ROBO2: variants seen among roughly 807,000 people sequenced by gnomAD.
ROBO2 encodes the protein roundabout homolog 2.
In ROBO2, 53 loss-of-function variants were observed where a neutral mutation model predicts 160.8. The observed-to-expected ratio is 0.33, with a 90% confidence interval of 0.26 to 0.41. The LOEUF (loss-of-function observed/expected upper bound fraction) is 0.41. ROBO2 is among the 10% of genes least tolerant of loss of function. The pLI, the probability that ROBO2 is intolerant of heterozygous loss-of-function variation, is 1.00. For synonymous variants in ROBO2, 664 were observed against 611.7 expected (o/e 1.09, Z -1.26); for missense variants, 1,577 against 1,722.4 (o/e 0.92, Z 1.49).
intron 2 of ROBO2, among the ~76,000 whole-genome samples, chr3:76,779,751 GTGT>G (rs1189520144): frequency 6.6e-6 from 1 of 150,872 alleles, no homozygotes; most frequent in Admixed American, 6.6e-5. Flanking sequence ...AGGATGAGTA[GTGT>G]TCTATTTTTA....
chr3:77,132,842 G>A (rs555290980), intron 2 of ROBO2, among the ~76,000 whole-genome samples: 7 of 152,212 alleles, frequency 4.6e-5, no homozygotes, highest in African/African-American at 1.7e-4. Context: ...ATATTTTTGA[G>A]TTTAATTCAA....
chr3:77,644,759 C>T, exon 25 of ROBO2: 1 of 1,613,972 alleles, frequency 6.2e-7, no homozygotes, highest in Admixed American at 1.7e-5. Flanking sequence ...GTGGCCACAG[C>T]TCATCAGGAA....
chr3:77,299,812 G>A (rs1348959244), intron 2 of ROBO2, among the ~76,000 whole-genome samples: 1 of 152,108 alleles, frequency 6.6e-6, no homozygotes, highest in African/African-American at 2.4e-5. Flanking sequence ...TTACAACAGA[G>A]AGGGACGATA....
chr3:77,228,433 A>C (rs1026159374), intron 2 of ROBO2, among the ~76,000 whole-genome samples: 3 of 151,614 alleles, frequency 2.0e-5, no homozygotes, highest in African/African-American at 7.3e-5. Context: ...ACACACACAC[A>C]CACCCTTTTT....
At chr3:76,012,064 A>C (rs1466110403) in intron 2 of ROBO2, among the ~76,000 whole-genome samples, 2 of 152,234 alleles carry the variant, frequency 1.3e-5, no homozygotes, top group Non-Finnish European at 2.9e-5. Context: ...AACTCTTGCC[A>C]AACAAGAAAT....
chr3:76,429,636 T>C (rs2076357190), intron 2 of ROBO2, among the ~76,000 whole-genome samples: 1 of 152,186 alleles, frequency 6.6e-6, no homozygotes, highest in African/African-American at 2.4e-5. Context: ...TCATAGCTTC[T>C]CTTGGTCCAA....
chr3:76,909,369 C>T (rs183015332), intron 2 of ROBO2, among the ~76,000 whole-genome samples: 26 of 152,026 alleles, frequency 1.7e-4, no homozygotes, highest in South Asian at 1.7e-3. Flanking sequence ...TATGCTAGGA[C>T]GAGAGAAAAA....
intron 2 of ROBO2, among the ~76,000 whole-genome samples, chr3:76,244,998 G>C (rs1008281801): frequency 1.3e-5 from 2 of 152,020 alleles, no homozygotes; most frequent in African/African-American, 4.8e-5. Flanking sequence ...TTTGAAATTG[G>C]CTTACAAATT....
At chr3:76,952,798 G>C (rs1173780644) in intron 2 of ROBO2, among the ~76,000 whole-genome samples, 1 of 151,942 alleles carries the variant, frequency 6.6e-6, no homozygotes, top group Non-Finnish European at 1.5e-5. Flanking sequence ...TGTTCAGCAG[G>C]GAGAATTTTA....
intron 2 of ROBO2, among the ~76,000 whole-genome samples, chr3:76,999,361 A>G (rs2061213936): frequency 6.6e-6 from 1 of 152,098 alleles, no homozygotes; most frequent in African/African-American, 2.4e-5. Flanking sequence ...TAGATAGGTA[A>G]CTGGGGTTAC....
exon 9 of ROBO2, chr3:77,558,041 T>C (rs770869124): frequency 3.7e-6 from 6 of 1,613,084 alleles, no homozygotes; most frequent in African/African-American, 2.7e-5. Context: ...AAGCCACTGG[T>C]GATCCTCTTC....
At chr3:76,976,429 T>G (rs2059819698) in intron 2 of ROBO2, among the ~76,000 whole-genome samples, 1 of 152,194 alleles carries the variant, frequency 6.6e-6, no homozygotes, top group East Asian at 1.9e-4. Flanking sequence ...AAATGGGAAG[T>G]TTTTTACAAA....
At chr3:77,029,991 G>C (rs1031812848) in intron 2 of ROBO2, among the ~76,000 whole-genome samples, 23 of 151,688 alleles carry the variant, frequency 1.5e-4, no homozygotes, top group African/African-American at 4.6e-4. Flanking sequence ...TGTCGCCCAG[G>C]CTGGAGTGCA....
intron 2 of ROBO2, among the ~76,000 whole-genome samples, chr3:75,978,355 ATTATT>A (rs1488608934): frequency 1.3e-5 from 2 of 151,528 alleles, no homozygotes; most frequent in Non-Finnish European, 3.0e-5. Flanking sequence ...AGGTTTAGCT[ATTATT>A]TTACTAATAT....
chr3:75,963,247 G>C (rs1334732075), intron 2 of ROBO2, among the ~76,000 whole-genome samples: 1 of 151,722 alleles, frequency 6.6e-6, no homozygotes, highest in Non-Finnish European at 1.5e-5. Flanking sequence ...GAGTGCAGTG[G>C]TGCAATTATG....
Position 76,385,447 on chromosome 3 carries a change from C to T in ROBO2, c.109+447845C>T, listed in dbSNP as rs1437971976. Reference sequence around the variant, plus strand: ...ATGGGCACCATTGCTATCTAGTTTACAGAAACTGCACAGTCTGTCACCTTA... The same window carrying T: ...ATGGGCACCATTGCTATCTAGTTTATAGAAACTGCACAGTCTGTCACCTTA... On this transcript the variant is annotated intron_variant, in intron 2 of 26. Coordinates refer to the ROBO2 transcript ENST00000487694. Among the ~76,000 whole-genome samples the T allele has an allele frequency of 2.0e-5, 3 of 152,164 alleles. No individual in the cohort carries two copies. The South Asian group carries it at 6.2e-4, about 31-fold the overall frequency.
intron 2 of ROBO2, among the ~76,000 whole-genome samples, chr3:76,294,149 A>G (rs1459432018): frequency 6.6e-6 from 1 of 152,132 alleles, no homozygotes; most frequent in Non-Finnish European, 1.5e-5. Context: ...GGGTGCCGGG[A>G]GTCGGGGAGA....
intron 2 of ROBO2, among the ~76,000 whole-genome samples, chr3:76,114,784 A>T (rs1300094176): frequency 6.6e-6 from 1 of 152,176 alleles, no homozygotes; most frequent in East Asian, 1.9e-4. Context: ...AATTTCTCTG[A>T]CAGTATCAAG....
At chr3:76,243,833 A>T (rs1705452389) in intron 2 of ROBO2, among the ~76,000 whole-genome samples, 2 of 152,256 alleles carry the variant, frequency 1.3e-5, no homozygotes, top group Non-Finnish European at 2.9e-5. Context: ...GCTCTTTAGT[A>T]CTGAATACAA....
Sources: gnomAD v4.1 joint callset for allele counts (sites outside exome capture counted in the v4.1 genomes callset) on GRCh38, gnomAD v4.1.1 for gene constraint, MANE v1.5 for transcripts, NCBI Gene and HGNC (gene_info 2026-07-23, HGNC 2026-07-21) for gene names.